The following SEMA5A variants were observed in gnomAD, a reference collection of about 807,000 sequenced individuals.
SEMA5A encodes semaphorin 5A.
Under a neutral mutation model 135.5 loss-of-function variants are expected in SEMA5A, and 55 were observed. The observed-to-expected ratio is 0.41, with a 90% CI of 0.33 to 0.51. SEMA5A has a LOEUF of 0.51. Ranked by LOEUF, SEMA5A falls within the 20% of genes least tolerant of loss-of-function variation. The probability of loss-of-function intolerance (pLI) is 0.37; values close to 1 mark genes in which losing one functional copy is unlikely to be tolerated. For missense variants in SEMA5A, 1,290 were observed against 1,419.9 expected, an observed-to-expected ratio of 0.91 and a Z score of 1.47; for synonymous variants, 580 against 546.5, an observed-to-expected ratio of 1.06 and a Z score of -0.85.
chr5:9,156,768 A>C (rs1284545800), intron 11 of SEMA5A, among the ~76,000 whole-genome samples: 2 of 152,222 alleles, frequency 1.3e-5, no homozygotes, highest in Non-Finnish European at 2.9e-5. Context: ...GAATTTAACA[A>C]AGACTCATTG....
At chr5:9,394,667 G>A (rs991909820) in intron 2 of SEMA5A, among the ~76,000 whole-genome samples, 55 of 152,264 alleles carry the variant, frequency 3.6e-4, no homozygotes, top group African/African-American at 1.3e-3. Flanking sequence ...TCATGTCAAC[G>A]AAGTGGAAAT....
chr5:9,495,307 G>T (rs951486821), intron 1 of SEMA5A, among the ~76,000 whole-genome samples: 2 of 152,142 alleles, frequency 1.3e-5, no homozygotes, highest in Non-Finnish European at 2.9e-5. Flanking sequence ...TCACACAAGA[G>T]CAAATTCAAG....
chr5:9,245,993 G>A (rs1002916314), intron 5 of SEMA5A, among the ~76,000 whole-genome samples: 1 of 152,046 alleles, frequency 6.6e-6, no homozygotes, highest in Non-Finnish European at 1.5e-5. Flanking sequence ...ACATTAGAGA[G>A]AGAGAAGAAA....
intron 5 of SEMA5A, among the ~76,000 whole-genome samples, chr5:9,291,330 C>A (rs1187682064): frequency 2.0e-5 from 3 of 152,170 alleles, no homozygotes; most frequent in Non-Finnish European, 2.9e-5. Flanking sequence ...CATCCATCCA[C>A]AACTGGAGTC....
In SEMA5A at chr5:9,096,746, TA is replaced by T. The variant is rs963708950; in HGVS notation, c.2073+11393del. On this transcript the variant is annotated intron_variant, in intron 16 of 22. Transcript: ENST00000382496. The stretch of plus-strand genomic sequence containing the variant: ...TATATAAAGAACTCATACAACATGA[TA>T]AAAAAAATATATATGACCCAATTAA... Among the ~76,000 whole-genome samples the T allele has an allele frequency of 4.5e-4, 68 of 151,750 alleles. 1 individual carries two copies. Among genetic ancestry groups the T allele is most frequent in the African/African-American group, 1.3e-3 (52 of 41,400 alleles).
At position 9,383,904 on chromosome 5, in the gene SEMA5A, C is replaced by T. The variant is rs567579708; in HGVS notation, c.-77-3881G>A. On this transcript the variant is annotated intron_variant, in intron 2 of 22. Coordinates refer to ENST00000382496, the MANE Select transcript of SEMA5A (RefSeq NM_003966.3). ...TGCTCTTTCCTTGGGATTTGGAAAG[C>T]GACAATTAGAGAAGAGGGGAAATGA... Among the ~76,000 whole-genome samples, 77 of 151,896 alleles carry T rather than the reference C, an allele frequency of 5.1e-4. 1 individual carries two copies. The highest frequency in any genetic ancestry group is 9.8e-4 in the Admixed American group (15 of 15,266).
intron 5 of SEMA5A, among the ~76,000 whole-genome samples, chr5:9,288,352 C>A (rs1464618640): frequency 6.6e-6 from 1 of 152,194 alleles, no homozygotes; most frequent in South Asian, 2.1e-4. Flanking sequence ...GCCAGGGCCA[C>A]AGCCAGTCCC....
chr5:9,414,407 G>A (rs868710599), intron 2 of SEMA5A, among the ~76,000 whole-genome samples: 1 of 152,158 alleles, frequency 6.6e-6, no homozygotes, highest in Non-Finnish European at 1.5e-5. Flanking sequence ...AAAATAAAAA[G>A]ATGTCCATTT....
intron 3 of SEMA5A, among the ~76,000 whole-genome samples, chr5:9,372,708 G>A (rs958542680): frequency 1.3e-5 from 2 of 151,908 alleles, no homozygotes; most frequent in African/African-American, 4.8e-5. Context: ...GCAGCCATGG[G>A]AGGCACTTAG....
At chr5:9,503,205 A>G (rs1467940861) in intron 1 of SEMA5A, among the ~76,000 whole-genome samples, 1 of 152,352 alleles carries the variant, frequency 6.6e-6, no homozygotes, top group East Asian at 1.9e-4. Flanking sequence ...CTAGGTACGC[A>G]TAAGAGGGGC....
chr5:9,541,280 G>A lies in SEMA5A; in HGVS notation c.-175+4304C>T, dbSNP rs1738070824. Among the ~76,000 whole-genome samples the A allele has an allele frequency of 3.9e-5, 6 of 152,294 alleles. No individual in the cohort carries two copies. The South Asian group carries it at 1.2e-3, about 32-fold the overall frequency. On this transcript the variant is annotated intron_variant, in intron 1 of 22. Transcript: ENST00000382496. The stretch of plus-strand genomic sequence containing the variant: ...ATCTGTAATTGAATTACCTATTGCA[G>A]TAGTGTAATTTACTCTCAATTGTAC...
chr5:9,380,935 G>A (rs1213760546), intron 2 of SEMA5A, among the ~76,000 whole-genome samples: 13 of 151,498 alleles, frequency 8.6e-5, no homozygotes, highest in South Asian at 2.1e-4. Context: ...AGGACGTTCC[G>A]TCCCCAGGGA....
At chr5:9,123,373 CAG>C (rs781762255) in intron 13 of SEMA5A, among the ~76,000 whole-genome samples, 28 of 133,822 alleles carry the variant, frequency 2.1e-4, no homozygotes, top group South Asian at 7.5e-4. Context: ...GGGAGGGAGA[CAG>C]GGGGAAAGGG....
chr5:9,387,824 G>A (rs1014847431), intron 2 of SEMA5A, among the ~76,000 whole-genome samples: 2 of 152,182 alleles, frequency 1.3e-5, no homozygotes, highest in Non-Finnish European at 2.9e-5. Flanking sequence ...TGAAATTAAA[G>A]GTTTCTTCTT....
intron 1 of SEMA5A, among the ~76,000 whole-genome samples, chr5:9,501,221 A>T (rs1735579435): frequency 6.6e-6 from 1 of 152,240 alleles, no homozygotes; most frequent in South Asian, 2.1e-4. Flanking sequence ...TTGCTAACAC[A>T]ATTTAATCTC....
chr5:9,088,034 T>G (rs1738799689), intron 16 of SEMA5A, among the ~76,000 whole-genome samples: 1 of 152,200 alleles, frequency 6.6e-6, no homozygotes, highest in Admixed American at 6.5e-5. Flanking sequence ...ACGCCTATAA[T>G]CCCAGCAAAA....
chr5:9,419,614 A>G (rs1757395078), intron 2 of SEMA5A, among the ~76,000 whole-genome samples: 1 of 152,176 alleles, frequency 6.6e-6, no homozygotes, highest in Admixed American at 6.5e-5. Context: ...AAACCTAAGG[A>G]GTCACAGGTG....
At chr5:9,438,513 G>A (rs190419251) in intron 1 of SEMA5A, among the ~76,000 whole-genome samples, 23 of 152,244 alleles carry the variant, frequency 1.5e-4, no homozygotes, top group African/African-American at 4.6e-4. Flanking sequence ...ACCACGAAAC[G>A]CCAGCCTCCC....
intron 13 of SEMA5A, among the ~76,000 whole-genome samples, chr5:9,129,965 A>G (rs1380552969): frequency 6.6e-6 from 1 of 152,218 alleles, no homozygotes; most frequent in Non-Finnish European, 1.5e-5. Flanking sequence ...CATTCTGTAA[A>G]GTAATTTGTA....
Sources: gnomAD v4.1 joint callset for allele counts (sites outside exome capture counted in the v4.1 genomes callset) on GRCh38, gnomAD v4.1.1 for gene constraint, MANE v1.5 for transcripts, NCBI Gene and HGNC (gene_info 2026-07-23, HGNC 2026-07-21) for gene names.